Variants in GPAM observed in about 807,000 individuals in gnomAD.
GPAM encodes glycerol-3-phosphate acyltransferase 1, mitochondrial.
Under a neutral mutation model 105.0 loss-of-function variants are expected in GPAM, and 56 were observed. That is an observed-to-expected ratio of 0.53 (90% CI 0.43 to 0.67). GPAM has a LOEUF of 0.67. GPAM is among the 30% of genes least tolerant of loss of function. The pLI is 0.00. For synonymous variants in GPAM, 368 were observed against 354.4 expected, an observed-to-expected ratio of 1.04 and a Z score of -0.43; for missense variants, 855 against 989.8, an observed-to-expected ratio of 0.86 and a Z score of 1.83.
Position 112,152,524 on chromosome 10 carries a change from T to C in GPAM, c.*1026A>G, listed in dbSNP as rs944881332. The C allele has an allele frequency of 1.7e-5, 17 of 984,900 alleles. No homozygotes were observed. The highest frequency in any genetic ancestry group is 4.7e-5 in the South Asian group (1 of 21,284). 61.0% of individuals were successfully genotyped at this position (984,900 alleles called of 1,614,324 possible). ...TTGTGCACGGCACAACTCGAGTGGG[T>C]ACCAGTCACCTGGACTGGGGTGCAG... On this transcript the variant is annotated 3_prime_UTR_variant, in exon 22 of 22. Transcript: ENST00000348367.
intron 1 of GPAM, among the ~76,000 whole-genome samples, chr10:112,200,237 A>G (rs1296263497): frequency 7.7e-6 from 1 of 130,126 alleles, no homozygotes; most frequent in Non-Finnish European, 1.6e-5. Flanking sequence ...GTATATATAT[A>G]TATATATAGA....
chr10:112,152,781 G>T lies in GPAM; in HGVS notation c.*769C>A. 1.3e-6 allele frequency: 1 copy of T among 759,412 alleles called. No homozygotes were observed. The highest frequency in any genetic ancestry group is 1.6e-6 in the Non-Finnish European group (1 of 623,728). The allele number at this position is 759,412 out of a possible 1,614,324, so 47.0% of individuals were successfully genotyped here. A position where few individuals can be genotyped will look rare whatever the true frequency, so the allele number is the denominator to read the frequency against. On this transcript the variant is annotated 3_prime_UTR_variant, in exon 22 of 22. Coordinates refer to ENST00000348367, the MANE Select transcript of GPAM (RefSeq NM_001244949.2). ...TTTGCTGGTCATTTGAAACTCAATG[G>T]CACTTGTTTATATGAGCAAAAGCCT...
the GPAM span, among the ~76,000 whole-genome samples, chr10:112,222,207 A>C: frequency 6.6e-6 from 1 of 152,148 alleles, no homozygotes; most frequent in Non-Finnish European, 1.5e-5. Flanking sequence ...TCTATTTTTT[A>C]TAATGAATTG....
chr10:112,154,736 A>T (rs1846984675), intron 20 of GPAM, 49 bp from the exon 21 acceptor site: 1 of 1,304,918 alleles, frequency 7.7e-7, no homozygotes, highest in Non-Finnish European at 1.1e-6. Flanking sequence ...TCAACAAATC[A>T]TGACAATCCC....
intron 4 of GPAM, 49 bp from the exon 5 acceptor site, chr10:112,178,106 G>A (rs201969506): frequency 3.4e-5 from 31 of 902,500 alleles, no homozygotes; most frequent in Non-Finnish European, 5.1e-5. Context: ...CTAGATTGAC[G>A]GTGAAGAGCT....
At chr10:112,204,816 G>C (rs1173388220) in intron 1 of GPAM, among the ~76,000 whole-genome samples, 1 of 145,360 alleles carries the variant, frequency 6.9e-6, no homozygotes, top group African/African-American at 2.6e-5. Flanking sequence ...GTTCTGGCCA[G>C]GGCAATCAGG....
At chr10:112,186,765 G>A (rs117812504), upstream of GPAM, among the ~76,000 whole-genome samples, 5,013 of 152,134 alleles carry the variant, frequency 0.033, 111 homozygotes, top group Middle Eastern at 0.051. Flanking sequence ...TGCCCAGGCC[G>A]GTCTCGATCT....
intron 8 of GPAM, 87 bp downstream of exon 8, chr10:112,172,883 G>C (rs1278151510): frequency 1.4e-5 from 11 of 793,412 alleles, no homozygotes; most frequent in Non-Finnish European, 2.5e-5. Flanking sequence ...ATACATCACA[G>C]TACACAAGAA....
At chr10:112,184,347 G>A (rs984414747), upstream of GPAM, among the ~76,000 whole-genome samples, 1 of 152,156 alleles carries the variant, frequency 6.6e-6, no homozygotes, top group African/African-American at 2.4e-5. Context: ...GTATTATACA[G>A]TTCAAAATCG....
At chr10:112,165,122 T>C (rs182964925) in intron 12 of GPAM, among the ~76,000 whole-genome samples, 2 of 152,162 alleles carry the variant, frequency 1.3e-5, no homozygotes, top group Non-Finnish European at 2.9e-5. Flanking sequence ...AGCAAGCATC[T>C]ACCACAGCAG....
intron 1 of GPAM, among the ~76,000 whole-genome samples, chr10:112,212,688 A>G (rs1368670817): frequency 1.3e-5 from 2 of 152,166 alleles, no homozygotes; most frequent in Non-Finnish European, 2.9e-5. Flanking sequence ...CCTGCCATTG[A>G]GTCTCAGCTC....
Position 112,158,323 on chromosome 10 carries a change from A to T in GPAM, c.1973T>A (p.Val658Glu). 3.2e-6 allele frequency: 5 copies of T among 1,554,464 alleles called. No homozygotes were observed. The highest frequency in any genetic ancestry group is 4.4e-6 in the Non-Finnish European group (5 of 1,125,332). The change falls in exon 18 of 22, where the codon GTG (valine) becomes GAG (glutamate). Residue 658 changes from valine (V) to glutamate (E), a missense_variant. Coordinates refer to ENST00000348367, the MANE Select transcript of GPAM (RefSeq NM_001244949.2). ...GKFIQYGILT[V>E]AEHDDQEDIS... ...GAAAGCTCTACCTCTTACCTCTGCCACTGTAAGAATGCCATACTGGATAAA... is the reference window on the plus strand; with the variant it reads ...GAAAGCTCTACCTCTTACCTCTGCCTCTGTAAGAATGCCATACTGGATAAA...
chr10:112,156,408 C>T (rs908671554), intron 19 of GPAM: 7 of 321,516 alleles, frequency 2.2e-5, no homozygotes, highest in Middle Eastern at 1.1e-3. Context: ...GAAGCCTGGG[C>T]TCAACAGTCA....
Position 112,165,292 on chromosome 10 carries a change from G to C in GPAM, c.1222-682C>G, listed in dbSNP as rs115563642. Among the ~76,000 whole-genome samples, 213 of 152,282 alleles carry C rather than the reference G, an allele frequency of 1.4e-3. 1 individual carries two copies. The highest frequency in any genetic ancestry group is 5.0e-3 in the African/African-American group (208 of 41,566). ...AAACCAGCAAGGGCCTCAGGGACCTGCCAGTCCCAGACTTTCAATGAGGAT... is the reference window on the plus strand; with the variant it reads ...AAACCAGCAAGGGCCTCAGGGACCTCCCAGTCCCAGACTTTCAATGAGGAT... On this transcript the variant is annotated intron_variant, in intron 12 of 21. Coordinates refer to ENST00000348367, the MANE Select transcript of GPAM (RefSeq NM_001244949.2).
chr10:112,221,512 C>T, the GPAM span, among the ~76,000 whole-genome samples: 1 of 152,114 alleles, frequency 6.6e-6, no homozygotes, highest in Admixed American at 6.6e-5. Flanking sequence ...ACAGAATGCC[C>T]AAGTAATTAT....
chr10:112,195,358 C>A (rs907829382), intron 1 of GPAM, among the ~76,000 whole-genome samples: 1 of 152,226 alleles, frequency 6.6e-6, no homozygotes, highest in Non-Finnish European at 1.5e-5. Context: ...TCACCACCCC[C>A]CATCTCCGTC....
chr10:112,160,608 G>C lies in GPAM; in HGVS notation c.1755C>G (p.Ile585Met), dbSNP rs759791125. Reference protein sequence around the residue: ...GVLHVFIMEAIIACSLYAVLN... With the variant: ...GVLHVFIMEAMIACSLYAVLN... Reference sequence around the variant, plus strand: ...ATATTTCAAGGTCTGACATACCTATGATGGCCTCCATGATAAAGACATGAA... The same window carrying C: ...ATATTTCAAGGTCTGACATACCTATCATGGCCTCCATGATAAAGACATGAA... Residue 585 changes from isoleucine to methionine, a missense_variant, in exon 16 of 22, where the codon ATC (isoleucine) becomes ATG (methionine). Ile to Met is a conservative substitution (Grantham distance 10, BLOSUM62 1). Transcript: ENST00000348367. 3.1e-5 allele frequency: 50 copies of C among 1,611,932 alleles called. No individual in the cohort carries two copies. Among genetic ancestry groups the C allele is most frequent in the Middle Eastern group, 1.6e-4 (1 of 6,080 alleles).
At chr10:112,172,150 A>C (rs970247536) in intron 9 of GPAM, 32 bp downstream of exon 9, 11 of 1,515,114 alleles carry the variant, frequency 7.3e-6, no homozygotes, top group Non-Finnish European at 1.0e-5. Flanking sequence ...AATCTTTTTA[A>C]TTCCTTAAAT....
intron 9 of GPAM, among the ~76,000 whole-genome samples, chr10:112,169,701 C>CG (rs572406474): frequency 1.0e-3 from 152 of 152,270 alleles, no homozygotes; most frequent in African/African-American, 3.5e-3. Context: ...TCCCAAACCC[C>CG]GGGGCCACGG....
Sources: gnomAD v4.1 joint callset for allele counts (sites outside exome capture counted in the v4.1 genomes callset) on GRCh38, gnomAD v4.1.1 for gene constraint, MANE v1.5 for transcripts, NCBI Gene and HGNC (gene_info 2026-07-23, HGNC 2026-07-21) for gene names.